Variants in LRMDA observed in about 807,000 individuals in gnomAD.
LRMDA encodes the protein leucine-rich melanocyte differentiation-associated protein.
LRMDA carries 18 observed loss-of-function variants against 29.8 expected under a neutral mutation model. The ratio of observed to expected loss-of-function variants is 0.60; its 90% CI spans 0.42 to 0.90. The LOEUF (loss-of-function observed/expected upper bound fraction) is 0.90, where lower values mean the gene tolerates loss of function less well. Ranked by LOEUF, LRMDA falls within the 40% of genes least tolerant of loss-of-function variation. LRMDA has a pLI of 0.00. For synonymous variants in LRMDA, 125 were observed against 109.4 expected (o/e 1.14, Z -0.89); for missense variants, 273 against 273.9 (o/e 1.00, Z 0.02).
At chr10:75,611,797 C>T (rs1841035674) in intron 2 of LRMDA, among the ~76,000 whole-genome samples, 1 of 152,226 alleles carries the variant, frequency 6.6e-6, no homozygotes, top group Non-Finnish European at 1.5e-5. Flanking sequence ...GGATTTCAGT[C>T]TCCACCTGTC....
At chr10:75,613,907 G>A (rs1004015682) in intron 2 of LRMDA, among the ~76,000 whole-genome samples, 1 of 152,138 alleles carries the variant, frequency 6.6e-6, no homozygotes, top group African/African-American at 2.4e-5. Context: ...GACACCATAG[G>A]TTGCCTATTC....
chr10:76,472,890 G>A (rs558523391), intron 6 of LRMDA, among the ~76,000 whole-genome samples: 13 of 151,352 alleles, frequency 8.6e-5, no homozygotes, highest in Non-Finnish European at 1.3e-4. Context: ...AAAAACAACC[G>A]TCTACAAAAA....
chr10:76,038,600 G>A (rs1028581016), intron 3 of LRMDA, among the ~76,000 whole-genome samples: 3 of 152,212 alleles, frequency 2.0e-5, no homozygotes, highest in African/African-American at 7.2e-5. Flanking sequence ...AGAAGTCACA[G>A]AGAAAGGTAG....
At chr10:76,199,541 T>G (rs982450012) in intron 5 of LRMDA, among the ~76,000 whole-genome samples, 7 of 152,198 alleles carry the variant, frequency 4.6e-5, no homozygotes, top group African/African-American at 1.7e-4. Flanking sequence ...GCAGCAAGTA[T>G]GTGCTACGTG....
At chr10:76,055,063 C>CAAAAAAAAAAAAAAAAAAAAAAAA (rs531729040) in intron 4 of LRMDA, among the ~76,000 whole-genome samples, 33 of 45,906 alleles carry the variant, frequency 7.2e-4, no homozygotes, top group East Asian at 1.1e-3. Flanking sequence ...GACTCCATCT[C>CAAAAAAAAAAAAAAAAAAAAAAAA]AAAAAAAAAA....
chr10:76,219,454 G>A (rs1278845071), intron 5 of LRMDA, among the ~76,000 whole-genome samples: 2 of 152,060 alleles, frequency 1.3e-5, no homozygotes, highest in African/African-American at 2.4e-5. Flanking sequence ...AAAAAAGGCA[G>A]GGGTTGCAAT....
chr10:75,568,667 T>C (rs565033779), intron 2 of LRMDA, among the ~76,000 whole-genome samples: 2 of 152,186 alleles, frequency 1.3e-5, no homozygotes, highest in Non-Finnish European at 2.9e-5. Context: ...ATGAAAGGTG[T>C]CATGGCTGCT....
At position 75,579,287 on chromosome 10, in the gene LRMDA, C is replaced by T. The variant is rs182139357; in HGVS notation, c.131+140793C>T. 3.6e-3 allele frequency among the ~76,000 whole-genome samples: 552 copies of T among 152,284 alleles called. 3 individuals are homozygous for T. Among genetic ancestry groups the T allele is most frequent in the African/African-American group, 0.013 (527 of 41,576 alleles). ...TACAAATTACCTTCAGGGGATACTA[C>T]AAACACCTCTATGCAAATAAACTAA... On this transcript the variant is annotated intron_variant, in intron 2 of 6. Transcript: ENST00000611255.
At chr10:75,832,153 T>A (rs1455299518) in intron 2 of LRMDA, among the ~76,000 whole-genome samples, 1 of 152,236 alleles carries the variant, frequency 6.6e-6, no homozygotes, top group Non-Finnish European at 1.5e-5. Context: ...ATCATCAGGC[T>A]ACAAATTTTC....
At chr10:75,563,763 C>G (rs1238948464) in intron 2 of LRMDA, among the ~76,000 whole-genome samples, 5 of 152,130 alleles carry the variant, frequency 3.3e-5, no homozygotes, top group African/African-American at 9.7e-5. Context: ...GGACCCTCAG[C>G]TGCAGGTCTG....
At chr10:76,236,070 G>T (rs776598001) in intron 5 of LRMDA, among the ~76,000 whole-genome samples, 1 of 152,120 alleles carries the variant, frequency 6.6e-6, no homozygotes, top group Non-Finnish European at 1.5e-5. Context: ...TCTAAAACGA[G>T]TGAACTTAGC....
chr10:75,647,428 T>G (rs942944145), intron 2 of LRMDA: 1 of 152,418 alleles, frequency 6.6e-6, no homozygotes, highest in African/African-American at 2.4e-5. Flanking sequence ...TGTTGGCAGT[T>G]TGTATAATTA....
intron 5 of LRMDA, among the ~76,000 whole-genome samples, chr10:76,114,726 A>G (rs1849639173): frequency 6.6e-6 from 1 of 152,172 alleles, no homozygotes; most frequent in Admixed American, 6.5e-5. Flanking sequence ...TTAGATGTTG[A>G]TAAAATATTT....
intron 2 of LRMDA, among the ~76,000 whole-genome samples, chr10:75,660,491 G>T (rs991520913): frequency 3.3e-5 from 5 of 152,292 alleles, no homozygotes; most frequent in African/African-American, 9.6e-5. Context: ...TCACAGGACG[G>T]GGGGAGAAGT....
chr10:76,064,243 G>T (rs1318049072), intron 5 of LRMDA, among the ~76,000 whole-genome samples: 1 of 152,150 alleles, frequency 6.6e-6, no homozygotes, highest in African/African-American at 2.4e-5. Flanking sequence ...TATTTATGAT[G>T]GGAAAACCTA....
chr10:76,518,500 A>G (rs1843086534), intron 6 of LRMDA, among the ~76,000 whole-genome samples: 1 of 152,148 alleles, frequency 6.6e-6, no homozygotes, highest in African/African-American at 2.4e-5. Flanking sequence ...ATATTTCATC[A>G]TACCTAAGAT....
chr10:76,218,755 T>C (rs1198484953), intron 5 of LRMDA, among the ~76,000 whole-genome samples: 2 of 152,176 alleles, frequency 1.3e-5, no homozygotes, highest in African/African-American at 2.4e-5. Flanking sequence ...GTTCTCAGAA[T>C]TGCAGGTGAG....
intron 5 of LRMDA, among the ~76,000 whole-genome samples, chr10:76,102,913 G>T (rs997046725): frequency 7.9e-5 from 12 of 152,154 alleles, no homozygotes; most frequent in Admixed American, 5.2e-4. Flanking sequence ...TGGCCTCCCA[G>T]ATTGCTGGGA....
chr10:76,489,548 C>A (rs1036382060), intron 6 of LRMDA, among the ~76,000 whole-genome samples: 2 of 151,398 alleles, frequency 1.3e-5, no homozygotes, highest in African/African-American at 4.8e-5. Context: ...ATTTTCTTCT[C>A]CTAATTTTGA....
Sources: allele counts gnomAD v4.1 joint callset (sites outside exome capture counted in the v4.1 genomes callset), GRCh38; gene constraint gnomAD v4.1.1; transcripts MANE v1.5; gene names NCBI Gene and HGNC (gene_info 2026-07-23, HGNC 2026-07-21).